TMEM144: variants seen among roughly 807,000 people sequenced by gnomAD.
TMEM144 encodes the protein transmembrane protein 144.
TMEM144 carries 39 observed loss-of-function variants against 43.6 expected under a neutral mutation model. That is an observed-to-expected ratio of 0.90 (90% confidence interval 0.69 to 1.17). The LOEUF is 1.17. Among genes scored for constraint, TMEM144 ranks in the 50% most tolerant of loss-of-function variants. TMEM144 has a pLI of 0.00. For synonymous variants in TMEM144, 154 were observed against 133.6 expected (o/e 1.15, Z -1.06); for missense variants, 417 against 411.9 (o/e 1.01, Z -0.11).
intron 6 of TMEM144, among the ~76,000 whole-genome samples, chr4:158,230,284 C>T (rs1276220823): frequency 6.6e-6 from 1 of 152,200 alleles, no homozygotes; most frequent in Non-Finnish European, 1.5e-5. Flanking sequence ...ACTGCTTTTC[C>T]TTCCTGACCG....
At chr4:158,227,762 A>G (rs537153261) in intron 6 of TMEM144, among the ~76,000 whole-genome samples, 1 of 152,328 alleles carries the variant, frequency 6.6e-6, no homozygotes, top group East Asian at 1.9e-4. Context: ...ACCTTGGGCC[A>G]TACCTTTGAA....
intron 9 of TMEM144, among the ~76,000 whole-genome samples, 170 bp downstream of exon 9, chr4:158,237,813 T>G (rs1161710956): frequency 6.6e-6 from 1 of 152,212 alleles, no homozygotes. Context: ...AGCATTTTCA[T>G]ATGATCTTTA....
chr4:158,253,651 G>A lies in TMEM144; in HGVS notation c.*124G>A. The stretch of plus-strand genomic sequence containing the variant: ...AATGGATCTCAGCCACTGTTGGAGT[G>A]GGTAAATGATTTTTTTCCCCAAAAA... On this transcript the variant is annotated 3_prime_UTR_variant, in exon 13 of 13. Transcript: ENST00000296529. 4.3e-6 allele frequency: 3 copies of A among 704,326 alleles called. No homozygotes were observed. Among genetic ancestry groups the A allele is most frequent in the Non-Finnish European group, 6.9e-6 (3 of 431,776 alleles). The allele number at this position is 704,326 out of a possible 1,614,324, so 43.6% of individuals were successfully genotyped here.
chr4:158,212,776 G>T lies in TMEM144; in HGVS notation c.109G>T (p.Gly37Ter). The change falls in exon 3 of 13, where the codon GGA becomes TGA. Residue 37 changes from glycine (G) to a stop codon, truncating the protein, a stop_gained and splice_region_variant. Coordinates refer to ENST00000296529, the MANE Select transcript of TMEM144 (RefSeq NM_018342.5). LOFTEE classifies it high-confidence loss of function. Reference sequence around the variant, plus strand: ...ACTTAAAAAATTTGATACTGGTGATGGTAATTATTTTTCCTTGATTGTTAA... The same window carrying T: ...ACTTAAAAAATTTGATACTGGTGATTGTAATTATTTTTCCTTGATTGTTAA... ...VPLKKFDTGD[G>*]MFLQWVLCAA... 1 of 1,604,790 alleles carries T rather than the reference G, an allele frequency of 6.2e-7. No homozygotes were observed. The highest frequency in any genetic ancestry group is 1.1e-5 in the South Asian group (1 of 90,808).
intron 8 of TMEM144, chr4:158,237,320 G>A: frequency 4.3e-6 from 2 of 466,376 alleles, no homozygotes; most frequent in Non-Finnish European, 7.6e-6. Context: ...GACACTGGTG[G>A]ACTGAAGCTG....
At chr4:158,245,878 T>C (rs1265634222) in intron 12 of TMEM144, among the ~76,000 whole-genome samples, 1 of 151,932 alleles carries the variant, frequency 6.6e-6, no homozygotes, top group African/African-American at 2.4e-5. Flanking sequence ...CAGCAAGCCA[T>C]GATCATACCA....
chr4:158,215,292 G>A lies in TMEM144; in HGVS notation c.211G>A (p.Gly71Arg), dbSNP rs777100254. The stretch of plus-strand genomic sequence containing the variant: ...AAAGTTTTGGCCTTTTGCAATGCTT[G>A]GGGGCTGCATTTGGGCAACAGGTAA... ...CPKFWPFAMLGGCIWATGNIA... is the reference protein window; with the variant it reads ...CPKFWPFAMLRGCIWATGNIA... Residue 71 changes from glycine to arginine, a missense_variant, in exon 4 of 13, where the codon GGG (glycine) becomes AGG (arginine). Physicochemically the swap from Gly to Arg is moderately radical, Grantham distance 125. Coordinates refer to ENST00000296529, the MANE Select transcript of TMEM144 (RefSeq NM_018342.5). 1.2e-6 allele frequency: 2 copies of A among 1,613,678 alleles called. No individual in the cohort carries two copies. Among genetic ancestry groups the A allele is most frequent in the South Asian group, 1.1e-5 (1 of 91,054 alleles).
chr4:158,215,434 G>T (rs1418871141), intron 4 of TMEM144, 121 bp downstream of exon 4: 41 of 1,217,796 alleles, frequency 3.4e-5, no homozygotes, highest in Non-Finnish European at 4.3e-5. Flanking sequence ...ATAGATACTA[G>T]AAATTAACTA....
At chr4:158,222,768 A>C (rs972591631) in intron 6 of TMEM144, among the ~76,000 whole-genome samples, 4 of 152,220 alleles carry the variant, frequency 2.6e-5, no homozygotes, top group Admixed American at 2.6e-4. Flanking sequence ...TGTCGGCGTA[A>C]CTGCACGTGC....
chr4:158,244,943 A>G (rs1036678895), intron 12 of TMEM144, among the ~76,000 whole-genome samples: 38 of 152,282 alleles, frequency 2.5e-4, no homozygotes, highest in South Asian at 4.1e-4. Context: ...ATTTTAAATA[A>G]CCCAGTGAAA....
At position 158,251,911 on chromosome 4, in the gene TMEM144, T is replaced by A. The variant is rs184041435; in HGVS notation, c.955-1533T>A. The stretch of plus-strand genomic sequence containing the variant: ...AGTCTCTGTACTTTCACTAAAAAAA[T>A]AAATAAATTAGACTCTTTAAACATA... On this transcript the variant is annotated intron_variant, in intron 12 of 12. Coordinates refer to ENST00000296529, the MANE Select transcript of TMEM144 (RefSeq NM_018342.5). Among the ~76,000 whole-genome samples the A allele has an allele frequency of 5.6e-3, 850 of 152,172 alleles. 11 individuals carry two copies. Among genetic ancestry groups the A allele is most frequent in the African/African-American group, 0.02 (810 of 41,510 alleles).
intron 6 of TMEM144, among the ~76,000 whole-genome samples, chr4:158,226,957 T>C (rs1734803548): frequency 1.3e-5 from 2 of 152,174 alleles, no homozygotes; most frequent in South Asian, 2.1e-4. Flanking sequence ...GTCTGTGGGC[T>C]AGGCTGTCTG....
chr4:158,229,251 T>C (rs2111123455), intron 6 of TMEM144, among the ~76,000 whole-genome samples: 1 of 152,316 alleles, frequency 6.6e-6, no homozygotes, highest in Non-Finnish European at 1.5e-5. Flanking sequence ...AAGGTCACTC[T>C]TCTGTAGGGC....
rs1163601500 is a variant in TMEM144, at chr4:158,254,257, G to T, written c.*730G>T. The T allele has an allele frequency of 6.6e-6, 1 of 152,108 alleles. No individual in the cohort carries two copies. The highest frequency in any genetic ancestry group is 1.5e-5 in the Non-Finnish European group (1 of 68,018). The allele number at this position is 152,108 out of a possible 1,614,324, so 9.4% of individuals were successfully genotyped here. On this transcript the variant is annotated 3_prime_UTR_variant, in exon 13 of 13. Coordinates refer to ENST00000296529, the MANE Select transcript of TMEM144 (RefSeq NM_018342.5). Reference sequence around the variant, plus strand: ...GTACATAAATACACACAGATATGTTGCTAAAGTGAGATTGTAGGTTATCAG... The same window carrying T: ...GTACATAAATACACACAGATATGTTTCTAAAGTGAGATTGTAGGTTATCAG...
At chr4:158,237,459 C>A in intron 8 of TMEM144, 66 bp from the exon 9 acceptor site, 2 of 1,230,904 alleles carry the variant, frequency 1.6e-6, no homozygotes, top group Non-Finnish European at 2.3e-6. Context: ...TTTATGATTC[C>A]ATTTGTGCGT....
intron 3 of TMEM144, 47 bp downstream of exon 3, chr4:158,212,823 GA>G (rs1404950721): frequency 6.8e-7 from 1 of 1,460,750 alleles, no homozygotes; most frequent in Non-Finnish European, 9.6e-7. Context: ...TTTTAAAAAT[GA>G]AGTTCCTTTT....
chr4:158,212,774 A>T lies in TMEM144; in HGVS notation c.107A>T (p.Asp36Val). The T allele has an allele frequency of 6.2e-7, 1 of 1,605,898 alleles. No homozygotes were observed. ...FVPLKKFDTG[D>V]GMFLQWVLCA... ...CCACTTAAAAAATTTGATACTGGTG[A>T]TGGTAATTATTTTTCCTTGATTGTT... Residue 36 changes from aspartate (D) to valine (V), a missense_variant and splice_region_variant, in exon 3 of 13, where the codon GAT becomes GTT. Coordinates refer to ENST00000296529, the MANE Select transcript of TMEM144 (RefSeq NM_018342.5).
intron 3 of TMEM144, chr4:158,214,045 T>C (rs1198845050): frequency 6.6e-6 from 1 of 152,150 alleles, no homozygotes; most frequent in African/African-American, 2.4e-5. Flanking sequence ...TTATTTTTCA[T>C]TTTTTTGGGG....
At chr4:158,232,065 C>T (rs1735109384) in intron 6 of TMEM144, among the ~76,000 whole-genome samples, 1 of 152,124 alleles carries the variant, frequency 6.6e-6, no homozygotes, top group African/African-American at 2.4e-5. Context: ...AAAAGTATTT[C>T]AAAAGAGATG....
Sources: gnomAD v4.1 joint callset for allele counts (sites outside exome capture counted in the v4.1 genomes callset) on GRCh38, gnomAD v4.1.1 for gene constraint, MANE v1.5 for transcripts, NCBI Gene and HGNC (gene_info 2026-07-23, HGNC 2026-07-21) for gene names.